Variants in WWOX observed in about 807,000 individuals in gnomAD.
WWOX encodes the protein WW domain containing oxidoreductase.
WWOX carries 69 observed loss-of-function variants against 46.2 expected under a neutral mutation model. That is an observed-to-expected ratio of 1.49 (90% CI 1.23 to 1.82). The LOEUF (loss-of-function observed/expected upper bound fraction) is 1.82. Among genes scored for constraint, WWOX ranks in the 40% most tolerant of loss-of-function variants. WWOX has a pLI of 0.00. For synonymous variants in WWOX, 359 were observed against 202.6 expected, an observed-to-expected ratio of 1.77 and a Z score of -6.56; for missense variants, 919 against 542.6, an observed-to-expected ratio of 1.69 and a Z score of -6.89.
intron 8 of WWOX, among the ~76,000 whole-genome samples, chr16:79,048,980 C>T (rs1292484464): frequency 1.3e-5 from 2 of 152,130 alleles, no homozygotes; most frequent in South Asian, 2.1e-4. Context: ...TCCTCTATTC[C>T]CTGGACAAAT....
At chr16:78,356,699 G>C (rs1326323049) in intron 5 of WWOX, among the ~76,000 whole-genome samples, 3 of 152,148 alleles carry the variant, frequency 2.0e-5, no homozygotes, top group Non-Finnish European at 4.4e-5. Flanking sequence ...TGGCCAGCAT[G>C]GTGAAACCCC....
chr16:79,085,610 TAGAAA>T (rs2048840118), intron 8 of WWOX, among the ~76,000 whole-genome samples: 1 of 152,230 alleles, frequency 6.6e-6, no homozygotes, highest in South Asian at 2.1e-4. Flanking sequence ...GTGGTCCACA[TAGAAA>T]AACCTGTTTC....
intron 5 of WWOX, among the ~76,000 whole-genome samples, chr16:78,194,936 A>G (rs1326955562): frequency 2.0e-5 from 3 of 152,214 alleles, no homozygotes; most frequent in Admixed American, 2.0e-4. Flanking sequence ...TCTGCTATAC[A>G]GCAGTGCTGT....
intron 8 of WWOX, among the ~76,000 whole-genome samples, chr16:78,658,699 T>C (rs1014682615): frequency 6.6e-6 from 1 of 152,124 alleles, no homozygotes; most frequent in Non-Finnish European, 1.5e-5. Flanking sequence ...CCTTTTCCTA[T>C]AGGGACTCAA....
intron 8 of WWOX, among the ~76,000 whole-genome samples, chr16:78,781,806 T>C (rs1002489621): frequency 1.4e-4 from 21 of 152,166 alleles, no homozygotes; most frequent in African/African-American, 4.8e-4. Flanking sequence ...GACATGAATA[T>C]TTTCTTCTAA....
At chr16:78,938,171 A>G (rs887591425) in intron 8 of WWOX, among the ~76,000 whole-genome samples, 3 of 152,192 alleles carry the variant, frequency 2.0e-5, no homozygotes, top group Admixed American at 2.0e-4. Flanking sequence ...TGGGAAAGAC[A>G]CAGGATGGCT....
intron 8 of WWOX, among the ~76,000 whole-genome samples, chr16:78,867,508 GTGT>G (rs1001196901): frequency 2.0e-5 from 3 of 151,112 alleles, no homozygotes; most frequent in African/African-American, 7.3e-5. Flanking sequence ...GTGTGTGTGT[GTGT>G]ATGTGTGTGT....
intron 8 of WWOX, among the ~76,000 whole-genome samples, chr16:78,861,059 A>T (rs181068194): frequency 2.6e-5 from 4 of 152,090 alleles, no homozygotes; most frequent in African/African-American, 4.8e-5. Context: ...GGCTCAAGCA[A>T]TGTGCTTGCC....
chr16:78,429,859 C>A (rs1455906203), intron 7 of WWOX, among the ~76,000 whole-genome samples: 2 of 152,036 alleles, frequency 1.3e-5, no homozygotes, highest in African/African-American at 2.4e-5. Flanking sequence ...ATGCTTGGGC[C>A]AGGCTACAGG....
At chr16:78,275,960 C>T (rs566741477) in intron 5 of WWOX, among the ~76,000 whole-genome samples, 5 of 152,076 alleles carry the variant, frequency 3.3e-5, no homozygotes, top group Admixed American at 3.3e-4. Flanking sequence ...AATCTGCTGC[C>T]CAGCATCAGC....
intron 8 of WWOX, chr16:78,896,578 C>T (rs1036917344): frequency 7.2e-5 from 11 of 152,136 alleles, no homozygotes; most frequent in Admixed American, 5.9e-4. Context: ...GGACATATGA[C>T]ACTGAAGCCT....
At chr16:78,467,004 C>T (rs2084095836) in intron 8 of WWOX, among the ~76,000 whole-genome samples, 1 of 152,176 alleles carries the variant, frequency 6.6e-6, no homozygotes, top group Admixed American at 6.5e-5. Flanking sequence ...GGGTTATTCA[C>T]AGAGCCATGG....
chr16:79,154,235 T>C (rs889719445), intron 8 of WWOX, among the ~76,000 whole-genome samples: 3 of 152,178 alleles, frequency 2.0e-5, no homozygotes, highest in Non-Finnish European at 4.4e-5. Flanking sequence ...CAAGTATTTG[T>C]GTAAGTGTCC....
At chr16:79,101,387 A>G (rs748176207) in intron 8 of WWOX, 2 of 152,172 alleles carry the variant, frequency 1.3e-5, no homozygotes, top group Non-Finnish European at 2.9e-5. Flanking sequence ...GTAAGGTGGA[A>G]TTTGGTAAAT....
Position 78,757,560 on chromosome 16 carries a change from C to G in WWOX, c.1056+324808C>G, listed in dbSNP as rs376808872. Among the ~76,000 whole-genome samples, 3 of 152,068 alleles carry G rather than the reference C, an allele frequency of 2.0e-5. No individual in the cohort carries two copies. In the East Asian group the frequency reaches 5.8e-4, roughly 29 times the overall value. ...TCACCATTTAACCCAGTTAACTCTT[C>G]TATAAGTGCCGTATTAAAGCAGGTG... On this transcript the variant is annotated intron_variant, in intron 8 of 8. Coordinates refer to ENST00000566780, the MANE Select transcript of WWOX (RefSeq NM_016373.4).
chr16:78,657,122 T>A (rs917733673), intron 8 of WWOX, among the ~76,000 whole-genome samples: 4 of 152,312 alleles, frequency 2.6e-5, no homozygotes, highest in African/African-American at 4.8e-5. Flanking sequence ...GCTGCCACTT[T>A]GGCCCCTGCG....
At chr16:78,551,157 C>T (rs1035337211) in intron 8 of WWOX, 1 of 151,974 alleles carries the variant, frequency 6.6e-6, no homozygotes, top group Admixed American at 6.6e-5. Context: ...AAACAAATAT[C>T]ATGAATTTAT....
At chr16:79,109,902 T>G (rs771859499) in intron 8 of WWOX, among the ~76,000 whole-genome samples, 1 of 152,188 alleles carries the variant, frequency 6.6e-6, no homozygotes. Flanking sequence ...TGGGGTTGTT[T>G]AGAAACAGAA....
rs572233691 is a variant in WWOX at position 79,063,910 on chromosome 16, A to G, written c.1057-147698A>G. Reference sequence around the variant, plus strand: ...AATTGTCAAAGATAATGAGACTAGTATGGAGCAAAAACTGGCAATTTTCAG... The same window carrying G: ...AATTGTCAAAGATAATGAGACTAGTGTGGAGCAAAAACTGGCAATTTTCAG... On this transcript the variant is annotated intron_variant, in intron 8 of 8. Coordinates refer to ENST00000566780, the MANE Select transcript of WWOX (RefSeq NM_016373.4). Among the ~76,000 whole-genome samples, 6 of 152,256 alleles carry G rather than the reference A, an allele frequency of 3.9e-5. No homozygotes were observed. The South Asian group carries it at 8.3e-4, about 21-fold the overall frequency.
Sources: gnomAD v4.1 joint callset for allele counts (sites outside exome capture counted in the v4.1 genomes callset) on GRCh38, gnomAD v4.1.1 for gene constraint, MANE v1.5 for transcripts, NCBI Gene and HGNC (gene_info 2026-07-23, HGNC 2026-07-21) for gene names.